The following JPH3 variants were observed in gnomAD, a reference collection of about 807,000 sequenced individuals.
The protein encoded by JPH3 is junctophilin 3.
In JPH3, 11 loss-of-function variants were observed where a neutral mutation model predicts 59.6. The observed-to-expected ratio is 0.18, with a 90% confidence interval of 0.12 to 0.31. JPH3 has a LOEUF of 0.31. Ranked by LOEUF, JPH3 falls within the 10% of genes least tolerant of loss-of-function variation. The probability of loss-of-function intolerance (pLI) is 1.00; values close to 1 mark genes in which losing one functional copy is unlikely to be tolerated. For missense variants in JPH3, 1,202 were observed against 1,105.7 expected, an observed-to-expected ratio of 1.09 and a Z score of -1.24; for synonymous variants, 673 against 483.6, an observed-to-expected ratio of 1.39 and a Z score of -5.14.
intron 1 of JPH3, among the ~76,000 whole-genome samples, chr16:87,615,787 C>A (rs1427993772): frequency 6.6e-6 from 1 of 152,210 alleles, no homozygotes; most frequent in Non-Finnish European, 1.5e-5. Flanking sequence ...AGTCGCCTTC[C>A]CTCCTCTGCA....
rs756537917 is a variant in JPH3, at chr16:87,603,192, T to C, written c.46T>C (p.Cys16Arg). The change falls in exon 1 of 5, where the codon TGT becomes CGT. Residue 16 changes from cysteine (C) to arginine (R), a missense_variant. Coordinates refer to ENST00000284262, the MANE Select transcript of JPH3 (RefSeq NM_020655.4). ...RFNFDDGGSY[C>R]GGWEDGKAHG... ...TAATTTTGACGACGGAGGGTCCTAC[T>C]GTGGAGGCTGGGAGGACGGCAAGGC... The C allele has an allele frequency of 6.2e-7, 1 of 1,613,944 alleles. No individual in the cohort carries two copies. The highest frequency in any genetic ancestry group is 1.7e-5 in the Admixed American group (1 of 60,028).
rs115368847 is a variant in JPH3, at chr16:87,685,767, G to A, written c.1285+1501G>A. On this transcript the variant is annotated intron_variant, in intron 3 of 4. Transcript: ENST00000284262. Reference sequence around the variant, plus strand: ...CTGCGACTCACATTCCACTGCCTGCGGCCTGTTTTGTTTCCTCTCAGAGCC... The same window carrying A: ...CTGCGACTCACATTCCACTGCCTGCAGCCTGTTTTGTTTCCTCTCAGAGCC... Among the ~76,000 whole-genome samples, 340 of 152,328 alleles carry A rather than the reference G, an allele frequency of 2.2e-3. 2 individuals are homozygous for A. Among genetic ancestry groups the A allele is most frequent in the African/African-American group, 7.8e-3 (325 of 41,564 alleles).
Position 87,665,612 on chromosome 16 carries a change from C to CT in JPH3, c.1161-18529dup, listed in dbSNP as rs564015237. 2.6e-4 allele frequency among the ~76,000 whole-genome samples: 40 copies of CT among 152,342 alleles called. No homozygotes were observed. In the South Asian group the frequency reaches 8.1e-3, roughly 31 times the overall value. On this transcript the variant is annotated intron_variant, in intron 2 of 4. Coordinates refer to ENST00000284262, the MANE Select transcript of JPH3 (RefSeq NM_020655.4). ...TCCCAGCCCCATGCCCCACATAGCT[C>CT]TAAGGCCTGGCCTCACTTGCAGGTG... is the stretch of plus-strand genomic sequence containing the variant.
chr16:87,616,190 T>TTG (rs56053716), intron 1 of JPH3, among the ~76,000 whole-genome samples: 13,093 of 115,868 alleles, frequency 0.11, 896 homozygotes, highest in African/African-American at 0.13. Context: ...CAATCTGGTT[T>TTG]TGTGTGTGTG....
intron 1 of JPH3, among the ~76,000 whole-genome samples, chr16:87,642,721 G>T (rs976621868): frequency 6.6e-6 from 1 of 152,228 alleles, no homozygotes; most frequent in African/African-American, 2.4e-5. Context: ...TGGGCGTCGT[G>T]CTGAGGCCCA....
At chr16:87,659,524 C>A (rs8045607) in intron 2 of JPH3, among the ~76,000 whole-genome samples, 31,654 of 151,876 alleles carry the variant, frequency 0.21, 3,680 homozygotes, top group South Asian at 0.38. Flanking sequence ...GAGTTCTGGA[C>A]CAGTCTGGGC....
chr16:87,661,255 C>T (rs1421302983), intron 2 of JPH3, among the ~76,000 whole-genome samples: 1 of 152,224 alleles, frequency 6.6e-6, no homozygotes. Flanking sequence ...ATCTGATTAT[C>T]CACCCAGATA....
Position 87,604,730 on chromosome 16 carries a change from G to A in JPH3, c.382+1202G>A, listed in dbSNP as rs1177932488. On this transcript the variant is annotated intron_variant, in intron 1 of 4. Coordinates refer to ENST00000284262, the MANE Select transcript of JPH3 (RefSeq NM_020655.4). The stretch of plus-strand genomic sequence containing the variant: ...CACATCCAGGAGTGGCAGGGGGCTG[G>A]AGAGTAATTATTATTTTGGCTTATG... The A allele has an allele frequency of 3.0e-6, 3 of 1,015,104 alleles. No homozygotes were observed. The African/African-American group carries it at 5.1e-5, about 17-fold the overall frequency. The allele number at this position is 1,015,104 out of a possible 1,614,324, so 62.9% of individuals were successfully genotyped here.
At chr16:87,644,111 C>T (rs1052146809) in intron 1 of JPH3, 147 bp from the exon 2 acceptor site, 1 of 843,646 alleles carries the variant, frequency 1.2e-6, no homozygotes, top group South Asian at 1.7e-5. Context: ...GCACTCCAGC[C>T]TGGGCAACAC....
chr16:87,692,704 T>A (rs2033629453), intron 4 of JPH3, among the ~76,000 whole-genome samples: 1 of 152,174 alleles, frequency 6.6e-6, no homozygotes, highest in Non-Finnish European at 1.5e-5. Flanking sequence ...GCTCTACTGG[T>A]GAAGGAACTC....
intron 2 of JPH3, among the ~76,000 whole-genome samples, chr16:87,659,814 C>G (rs1171627022): frequency 6.6e-6 from 1 of 152,136 alleles, no homozygotes; most frequent in Non-Finnish European, 1.5e-5. Context: ...TGACCACCAT[C>G]TATCTCCAGA....
At chr16:87,664,198 G>A (rs2032790131) in intron 2 of JPH3, among the ~76,000 whole-genome samples, 1 of 152,164 alleles carries the variant, frequency 6.6e-6, no homozygotes, top group Non-Finnish European at 1.5e-5. Flanking sequence ...GGGCGTGGTG[G>A]AAGGCGCCTG....
At chr16:87,690,957 C>T (rs2033554397) in intron 4 of JPH3, among the ~76,000 whole-genome samples, 1 of 152,192 alleles carries the variant, frequency 6.6e-6, no homozygotes, top group East Asian at 1.9e-4. Context: ...GGCCCTGGGG[C>T]TGGGAGTCAG....
chr16:87,690,294 C>T lies in JPH3; in HGVS notation c.1934C>T (p.Pro645Leu), dbSNP rs17853661. ...ACRGLGDDHRPEDRGFGVQRL... is the reference protein window; with the variant it reads ...ACRGLGDDHRLEDRGFGVQRL... ...CGGGGCTTGGGGGACGACCACCGCC[C>T]CGAGGACCGGGGCTTCGGGGTGCAG... The change falls in exon 4 of 5, where the codon CCC becomes CTC. Residue 645 changes from proline to leucine, a missense_variant. Pro to Leu is a moderately conservative substitution (Grantham distance 98, BLOSUM62 -3). Transcript: ENST00000284262. 1 of 1,598,326 alleles carries T rather than the reference C, an allele frequency of 6.3e-7. No individual in the cohort carries two copies. Among genetic ancestry groups the T allele is most frequent in the African/African-American group, 1.3e-5 (1 of 74,708 alleles).
At chr16:87,690,665 G>A (rs768825334) in intron 4 of JPH3, 139 bp downstream of exon 4, 32 of 932,660 alleles carry the variant, frequency 3.4e-5, no homozygotes, top group Non-Finnish European at 4.0e-5. Flanking sequence ...GGGTACAGCC[G>A]GGAGTGGTGG....
intron 2 of JPH3, among the ~76,000 whole-genome samples, chr16:87,648,191 T>G (rs2032215116): frequency 6.6e-6 from 1 of 152,070 alleles, no homozygotes; most frequent in Non-Finnish European, 1.5e-5. Context: ...GCCTGCATTC[T>G]GGGCTGCAGG....
intron 2 of JPH3, among the ~76,000 whole-genome samples, chr16:87,646,836 T>G (rs778515571): frequency 6.6e-6 from 1 of 152,212 alleles, no homozygotes; most frequent in African/African-American, 2.4e-5. Context: ...TAGTGGACAG[T>G]GCCCTGCAGG....
At chr16:87,620,439 G>GGAGA (rs1288150877) in intron 1 of JPH3, among the ~76,000 whole-genome samples, 1 of 107,674 alleles carries the variant, frequency 9.3e-6, no homozygotes, top group Non-Finnish European at 2.1e-5. Context: ...GGGAGGGGAG[G>GGAGA]GAGAGAGAGA....
At chr16:87,660,120 G>A (rs1294790989) in intron 2 of JPH3, among the ~76,000 whole-genome samples, 1 of 152,156 alleles carries the variant, frequency 6.6e-6, no homozygotes, top group Admixed American at 6.6e-5. Context: ...ATCTGTAAAG[G>A]GGAGCTGAGG....
Sources: gnomAD v4.1 joint callset for allele counts (sites outside exome capture counted in the v4.1 genomes callset) on GRCh38, gnomAD v4.1.1 for gene constraint, MANE v1.5 for transcripts, NCBI Gene and HGNC (gene_info 2026-07-23, HGNC 2026-07-21) for gene names.